Variants in CDH6 observed in about 807,000 individuals in gnomAD.
CDH6 encodes cadherin 6.
A neutral mutation model predicts 78.0 loss-of-function variants in CDH6; 31 were observed. The ratio of observed to expected loss-of-function variants is 0.40; its 90% CI spans 0.30 to 0.54. The LOEUF (loss-of-function observed/expected upper bound fraction) is 0.54, where lower values mean the gene tolerates loss of function less well. Among genes scored for constraint, CDH6 ranks in the 20% least tolerant of loss-of-function variants. The pLI, the probability that CDH6 is intolerant of heterozygous loss-of-function variation, is 0.56. For synonymous variants in CDH6, 376 were observed against 368.8 expected (o/e 1.02, Z -0.23); for missense variants, 724 against 975.9 (o/e 0.74, Z 3.44).
intron 1 of CDH6, among the ~76,000 whole-genome samples, chr5:31,257,562 T>C (rs1441427695): frequency 6.6e-6 from 1 of 152,222 alleles, no homozygotes; most frequent in Non-Finnish European, 1.5e-5. Context: ...TTTGCTTATT[T>C]TACAAATGTT....
At chr5:31,316,484 A>G (rs1036290813) in intron 9 of CDH6, among the ~76,000 whole-genome samples, 155 bp downstream of exon 9, 1 of 152,266 alleles carries the variant, frequency 6.6e-6, no homozygotes, top group African/African-American at 2.4e-5. Context: ...CAGGACTTAC[A>G]TATGAGAACT....
At chr5:31,298,111 C>A (rs1392394412) in intron 4 of CDH6, among the ~76,000 whole-genome samples, 1 of 152,222 alleles carries the variant, frequency 6.6e-6, no homozygotes. Flanking sequence ...CTGGAATCCT[C>A]TTTTCAACAT....
chr5:31,289,999 T>C lies in CDH6; in HGVS notation c.229-3963T>C, dbSNP rs143388928. On this transcript the variant is annotated intron_variant, in intron 2 of 11. Coordinates refer to ENST00000265071, the MANE Select transcript of CDH6 (RefSeq NM_004932.4). ...AAATGGGCACAGTGGCTCACACCTG[T>C]AATCCCGGCACTTTGGGAGGCCCAA... 1.1e-4 allele frequency among the ~76,000 whole-genome samples: 17 copies of C among 152,188 alleles called. No individual in the cohort carries two copies. The East Asian group carries it at 1.4e-3, about 12-fold the overall frequency.
At chr5:31,233,903 C>CGAAT (rs774261568) in intron 1 of CDH6, among the ~76,000 whole-genome samples, 14,941 of 152,220 alleles carry the variant, frequency 0.098, 1,013 homozygotes, top group East Asian at 0.27. Flanking sequence ...TCGAGTGTGT[C>CGAAT]TCCTCTACTA....
At chr5:31,298,947 A>G (rs1394757973) in intron 4 of CDH6, among the ~76,000 whole-genome samples, 1 of 152,170 alleles carries the variant, frequency 6.6e-6, no homozygotes, top group Non-Finnish European at 1.5e-5. Context: ...CAATTTAGAA[A>G]ATCCTCAGAG....
chr5:31,304,737 C>A (rs1312229791), intron 6 of CDH6, among the ~76,000 whole-genome samples: 1 of 145,698 alleles, frequency 6.9e-6, no homozygotes, highest in East Asian at 2.0e-4. Flanking sequence ...CATGGAATAA[C>A]CCACTGTGTA....
intron 1 of CDH6, among the ~76,000 whole-genome samples, chr5:31,232,392 A>G (rs1237448717): frequency 6.6e-6 from 1 of 152,130 alleles, no homozygotes; most frequent in African/African-American, 2.4e-5. Flanking sequence ...TTTTTCTTCC[A>G]CTAACCCAAC....
chr5:31,195,401 G>A lies in CDH6; in HGVS notation c.-129+1515G>A, dbSNP rs60295328. Among the ~76,000 whole-genome samples the A allele has an allele frequency of 2.9e-3, 444 of 152,308 alleles. 6 individuals are homozygous for A. The highest frequency in any genetic ancestry group is 0.023 in the South Asian group (109 of 4,826). ...GAAGGACTAACAAATATGCTTATAT[G>A]AATAGTGCCAAGGGTTGCTTATTTC... On this transcript the variant is annotated intron_variant, in intron 1 of 11. Transcript: ENST00000265071.
intron 1 of CDH6, among the ~76,000 whole-genome samples, chr5:31,259,086 T>G (rs1206303436): frequency 6.6e-6 from 1 of 152,244 alleles, no homozygotes; most frequent in African/African-American, 2.4e-5. Context: ...TGTGATGGGC[T>G]TAGCAAGGTG....
At chr5:31,243,517 C>T (rs557880916) in intron 1 of CDH6, among the ~76,000 whole-genome samples, 3 of 152,330 alleles carry the variant, frequency 2.0e-5, no homozygotes, top group African/African-American at 7.2e-5. Context: ...CTAAGACTCA[C>T]GTCTGAGTCC....
At chr5:31,206,449 G>A (rs917951531) in intron 1 of CDH6, among the ~76,000 whole-genome samples, 2 of 152,038 alleles carry the variant, frequency 1.3e-5, no homozygotes, top group African/African-American at 2.4e-5. Flanking sequence ...GCCTCATAGA[G>A]GCCTTTTAGC....
At chr5:31,231,403 C>T (rs1164332808) in intron 1 of CDH6, among the ~76,000 whole-genome samples, 1 of 152,100 alleles carries the variant, frequency 6.6e-6, no homozygotes, top group African/African-American at 2.4e-5. Context: ...GCAGTTCCAG[C>T]TTATTTTGAA....
chr5:31,323,384 C>A lies in CDH6; in HGVS notation c.*76C>A. The A allele has an allele frequency of 6.8e-7, 1 of 1,480,980 alleles. No individual in the cohort carries two copies. Among genetic ancestry groups the A allele is most frequent in the South Asian group, 1.3e-5 (1 of 77,168 alleles). 91.7% of individuals were successfully genotyped at this position (1,480,980 alleles called of 1,614,324 possible). On this transcript the variant is annotated 3_prime_UTR_variant, in exon 12 of 12. Coordinates refer to ENST00000265071, the MANE Select transcript of CDH6 (RefSeq NM_004932.4). ...TATTTCTTTATATTTATCCACTACT[C>A]CGTGAAGGCTTCTCTGTTCTACCCG...
intron 1 of CDH6, among the ~76,000 whole-genome samples, chr5:31,216,528 C>T (rs1358221630): frequency 1.3e-5 from 2 of 151,862 alleles, no homozygotes; most frequent in Non-Finnish European, 1.5e-5. Context: ...TGTTTTCACT[C>T]TACCATAGCA....
chr5:31,194,606 G>C (rs1177936096), intron 1 of CDH6, among the ~76,000 whole-genome samples: 2 of 152,150 alleles, frequency 1.3e-5, no homozygotes, highest in Non-Finnish European at 2.9e-5. Context: ...GGAGCACACT[G>C]TCCAGGGAAA....
chr5:31,302,931 GA>G (rs1189797097), intron 6 of CDH6, among the ~76,000 whole-genome samples: 2 of 126,768 alleles, frequency 1.6e-5, no homozygotes, highest in African/African-American at 5.3e-5. Flanking sequence ...AAGAAAGAAA[GA>G]AAGAAAGAAA....
chr5:31,217,110 G>A (rs745564384), intron 1 of CDH6, among the ~76,000 whole-genome samples: 23 of 152,058 alleles, frequency 1.5e-4, no homozygotes, highest in Non-Finnish European at 2.4e-4. Context: ...AGTGGGGTTC[G>A]TACATTTCTA....
chr5:31,271,428 C>T (rs534174105), intron 2 of CDH6, among the ~76,000 whole-genome samples: 14 of 152,184 alleles, frequency 9.2e-5, no homozygotes, highest in Non-Finnish European at 1.5e-4. Flanking sequence ...CTTCCTCAGC[C>T]TTCCACTGCG....
intron 2 of CDH6, among the ~76,000 whole-genome samples, chr5:31,283,543 C>T (rs12514440): frequency 0.29 from 44,145 of 152,064 alleles, 7,104 homozygotes; most frequent in Admixed American, 0.37. Flanking sequence ...GGTCATGTCC[C>T]GGCCCATGAT....
Sources: allele counts gnomAD v4.1 joint callset (sites outside exome capture counted in the v4.1 genomes callset), GRCh38; gene constraint gnomAD v4.1.1; transcripts MANE v1.5; gene names NCBI Gene and HGNC (gene_info 2026-07-23, HGNC 2026-07-21).